Variants in DNM3 observed in about 807,000 individuals in gnomAD.
DNM3 encodes dynamin 3.
A neutral mutation model predicts 101.6 loss-of-function variants in DNM3; 47 were observed. The observed-to-expected ratio is 0.46, with a 90% CI of 0.37 to 0.59. The LOEUF (loss-of-function observed/expected upper bound fraction) is 0.59, where lower values mean the gene tolerates loss of function less well. Among genes scored for constraint, DNM3 ranks in the 20% least tolerant of loss-of-function variants. DNM3 has a pLI of 0.00. For missense variants in DNM3, 849 were observed against 1,085.7 expected (o/e 0.78, Z 3.06); for synonymous variants, 385 against 387.9 (o/e 0.99, Z 0.09).
In DNM3 at chr1:172,004,164, G is replaced by T. The variant is rs887034980; in HGVS notation, c.589+15016G>T. Among the ~76,000 whole-genome samples the T allele has an allele frequency of 2.0e-5, 3 of 152,046 alleles. No homozygotes were observed. In the East Asian group the frequency reaches 5.8e-4, roughly 29 times the overall value. On this transcript the variant is annotated intron_variant, in intron 4 of 20. Transcript: ENST00000627582. ...ATAAAAAAGAATCTGTATGTTTTGA[G>T]GAAGATGAAATGGTTTCAGGGATGG...
intron 13 of DNM3, among the ~76,000 whole-genome samples, 173 bp from the exon 14 acceptor site, chr1:172,131,002 T>A (rs1366299000): frequency 6.6e-6 from 1 of 152,232 alleles, no homozygotes; most frequent in Admixed American, 6.5e-5. Flanking sequence ...TTCACTCATC[T>A]GCACTTTTGG....
At chr1:172,207,048 G>T (rs974016850) in intron 14 of DNM3, among the ~76,000 whole-genome samples, 5 of 152,022 alleles carry the variant, frequency 3.3e-5, no homozygotes, top group Admixed American at 1.3e-4. Context: ...TTCTTAAGGA[G>T]CAGAAGCCTG....
chr1:172,414,842 G>A (rs2071372088), downstream of DNM3, among the ~76,000 whole-genome samples: 2 of 151,606 alleles, frequency 1.3e-5, no homozygotes, highest in African/African-American at 4.9e-5. Context: ...GCTGAGGCAG[G>A]AGGATCAGTT....
intron 1 of DNM3, among the ~76,000 whole-genome samples, chr1:171,900,228 T>C (rs1215427303): frequency 6.6e-6 from 1 of 151,976 alleles, no homozygotes; most frequent in African/African-American, 2.4e-5. Context: ...GTATTCAAAT[T>C]AGGACACGAT....
intron 14 of DNM3, among the ~76,000 whole-genome samples, chr1:172,244,427 AT>A (rs1430745115): frequency 6.6e-6 from 1 of 151,898 alleles, no homozygotes; most frequent in African/African-American, 2.4e-5. Flanking sequence ...AACCTACAAA[AT>A]GGGAGAAAAT....
At chr1:171,896,632 C>T (rs1027418755) in intron 1 of DNM3, among the ~76,000 whole-genome samples, 1 of 152,126 alleles carries the variant, frequency 6.6e-6, no homozygotes, top group Admixed American at 6.5e-5. Context: ...TAATTGAATA[C>T]CCTTTATTTC....
intron 1 of DNM3, among the ~76,000 whole-genome samples, chr1:171,892,789 C>T (rs1461101457): frequency 1.3e-5 from 2 of 152,170 alleles, no homozygotes; most frequent in Non-Finnish European, 2.9e-5. Flanking sequence ...TGGGATGAAA[C>T]TGCCCATGTG....
chr1:172,123,188 G>A (rs763104723), intron 13 of DNM3, among the ~76,000 whole-genome samples: 8 of 152,132 alleles, frequency 5.3e-5, no homozygotes, highest in Admixed American at 1.3e-4. Flanking sequence ...GTAGAGTCTT[G>A]TAGAGTCTTG....
Position 172,288,713 on chromosome 1 carries a change from G to A in DNM3, c.1770-20015G>A, listed in dbSNP as rs181750642. On this transcript the variant is annotated intron_variant, in intron 15 of 20. Transcript: ENST00000627582. Reference sequence around the variant, plus strand: ...TGTCGTGAATGACACCTAGGCATCTGGCACAAGCATCTCTTTGGAAGAAGC... The same window carrying A: ...TGTCGTGAATGACACCTAGGCATCTAGCACAAGCATCTCTTTGGAAGAAGC... Among the ~76,000 whole-genome samples the A allele has an allele frequency of 2.0e-5, 3 of 152,278 alleles. No individual in the cohort carries two copies. In the East Asian group the frequency reaches 5.8e-4, roughly 29 times the overall value.
At chr1:171,967,042 T>A (rs2125528879) in intron 2 of DNM3, among the ~76,000 whole-genome samples, 1 of 152,294 alleles carries the variant, frequency 6.6e-6, no homozygotes, top group African/African-American at 2.4e-5. Flanking sequence ...GAAGTTGTCA[T>A]GCCAGCTGAG....
At position 172,412,164 on chromosome 1, in the gene DNM3, T is replaced by C. The variant is rs1338325369; in HGVS notation, c.*4323T>C. The C allele has an allele frequency of 3.0e-6, 3 of 985,686 alleles. No individual in the cohort carries two copies. Among genetic ancestry groups the C allele is most frequent in the Non-Finnish European group, 2.4e-6 (2 of 829,896 alleles). 61.1% of individuals were successfully genotyped at this position (985,686 alleles called of 1,614,324 possible). On this transcript the variant is annotated 3_prime_UTR_variant, in exon 21 of 21. Transcript: ENST00000627582. ...GTTCATACTGGTATATTGGTGAGAC[T>C]TCTCACTTCTGGTTGGAGGTTTCAC...
At chr1:171,880,793 T>C (rs1210072354) in intron 1 of DNM3, among the ~76,000 whole-genome samples, 1 of 152,188 alleles carries the variant, frequency 6.6e-6, no homozygotes, top group Non-Finnish European at 1.5e-5. Flanking sequence ...ATTAAAAACA[T>C]TTAATCCCAT....
chr1:172,021,348 T>C (rs73037351), intron 4 of DNM3, among the ~76,000 whole-genome samples: 41,209 of 151,648 alleles, frequency 0.27, 6,427 homozygotes, highest in East Asian at 0.44. Flanking sequence ...TGGTGCATGT[T>C]TGTACTCCCA....
chr1:172,076,003 G>A (rs781439720), intron 11 of DNM3, among the ~76,000 whole-genome samples: 5 of 152,134 alleles, frequency 3.3e-5, no homozygotes, highest in Non-Finnish European at 5.9e-5. Flanking sequence ...GCAGTGGTTT[G>A]TAGTTCTCTT....
chr1:171,860,716 T>C (rs1158033384), intron 1 of DNM3, among the ~76,000 whole-genome samples: 1 of 152,054 alleles, frequency 6.6e-6, no homozygotes, highest in African/African-American at 2.4e-5. Flanking sequence ...TATCTTTGAT[T>C]AGGGAGTGGC....
intron 15 of DNM3, among the ~76,000 whole-genome samples, chr1:172,276,022 T>C (rs143147722): frequency 3.5e-4 from 54 of 152,212 alleles, no homozygotes; most frequent in African/African-American, 1.2e-3. Context: ...TAAGATTTTA[T>C]GTATTACATA....
intron 4 of DNM3, among the ~76,000 whole-genome samples, chr1:171,997,485 A>C (rs2046078807): frequency 6.6e-6 from 1 of 152,186 alleles, no homozygotes; most frequent in East Asian, 1.9e-4. Context: ...TAAGATTCCT[A>C]GCACAGTCTC....
intron 17 of DNM3, among the ~76,000 whole-genome samples, chr1:172,349,690 T>C (rs1384177036): frequency 6.6e-6 from 1 of 152,138 alleles, no homozygotes; most frequent in Non-Finnish European, 1.5e-5. Flanking sequence ...CCAAACTTCA[T>C]CCCCTGAGTT....
chr1:171,849,386 G>A (rs928238031), intron 1 of DNM3, among the ~76,000 whole-genome samples: 1 of 152,162 alleles, frequency 6.6e-6, no homozygotes, highest in African/African-American at 2.4e-5. Flanking sequence ...TTCTGAGTAA[G>A]ATGGTATCAA....
Sources: allele counts gnomAD v4.1 joint callset (sites outside exome capture counted in the v4.1 genomes callset), GRCh38; gene constraint gnomAD v4.1.1; transcripts MANE v1.5; gene names NCBI Gene and HGNC (gene_info 2026-07-23, HGNC 2026-07-21).